The following CHST11 variants were observed in gnomAD, a reference collection of about 807,000 sequenced individuals.
The protein encoded by CHST11 is carbohydrate sulfotransferase 11.
Under a neutral mutation model 30.4 loss-of-function variants are expected in CHST11, and 9 were observed. That is an observed-to-expected ratio of 0.30 (90% confidence interval 0.18 to 0.52). The LOEUF is 0.52. CHST11 is among the 20% of genes least tolerant of loss of function. The pLI is 0.97. For synonymous variants in CHST11, 152 were observed against 187.8 expected, an observed-to-expected ratio of 0.81 and a Z score of 1.56; for missense variants, 348 against 460.6, an observed-to-expected ratio of 0.76 and a Z score of 2.24.
At chr12:104,608,040 A>C (rs1052183023) in intron 2 of CHST11, among the ~76,000 whole-genome samples, 6 of 151,994 alleles carry the variant, frequency 3.9e-5, no homozygotes, top group Admixed American at 6.5e-5. Flanking sequence ...TTGGGAAATG[A>C]CCAGTGCGCA....
chr12:104,671,801 A>G (rs144822635), intron 2 of CHST11, among the ~76,000 whole-genome samples: 11 of 151,950 alleles, frequency 7.2e-5, no homozygotes, highest in African/African-American at 2.4e-4. Flanking sequence ...CTCTTCTTGC[A>G]TAATGTGAGA....
intron 1 of CHST11, among the ~76,000 whole-genome samples, chr12:104,473,802 CT>C (rs1489901887): frequency 2.0e-5 from 3 of 152,098 alleles, no homozygotes; most frequent in Non-Finnish European, 2.9e-5. Flanking sequence ...TGTATTTTCT[CT>C]GCTAGACTGT....
intron 2 of CHST11, among the ~76,000 whole-genome samples, chr12:104,609,683 G>C (rs935155628): frequency 6.6e-6 from 1 of 152,170 alleles, no homozygotes; most frequent in Non-Finnish European, 1.5e-5. Context: ...ATCAGAGCTT[G>C]ATACCAGTCT....
chr12:104,722,155 A>AGTGT (rs57545833), intron 2 of CHST11, among the ~76,000 whole-genome samples: 1,850 of 137,564 alleles, frequency 0.013, 41 homozygotes, highest in African/African-American at 0.028. Flanking sequence ...CACTCAGCTA[A>AGTGT]GTGTGTGTGT....
chr12:104,547,719 T>C (rs1795869), intron 1 of CHST11, among the ~76,000 whole-genome samples: 145,245 of 152,278 alleles, frequency 0.95, 69,329 homozygotes, highest in East Asian at 1. Context: ...AACTGTGTGG[T>C]CCTGGGCAAA....
intron 1 of CHST11, among the ~76,000 whole-genome samples, chr12:104,591,079 G>A (rs2038853458): frequency 6.6e-6 from 1 of 152,088 alleles, no homozygotes; most frequent in South Asian, 2.1e-4. Flanking sequence ...TTGGGAGAGG[G>A]ACTCCAGGCT....
intron 1 of CHST11, among the ~76,000 whole-genome samples, chr12:104,499,601 G>A (rs1377607733): frequency 6.6e-6 from 1 of 152,188 alleles, no homozygotes; most frequent in African/African-American, 2.4e-5. Flanking sequence ...GGTGGGTCAT[G>A]AGTGGAAAGA....
At chr12:104,570,979 C>G (rs2038618679) in intron 1 of CHST11, among the ~76,000 whole-genome samples, 1 of 151,598 alleles carries the variant, frequency 6.6e-6, no homozygotes, top group Non-Finnish European at 1.5e-5. Context: ...GCGTGAGCCA[C>G]CTCACCCAGC....
In CHST11 at chr12:104,694,360, G is replaced by A. The variant is rs1566041286; in HGVS notation, c.205-62589G>A. On this transcript the variant is annotated intron_variant, in intron 2 of 2. Coordinates refer to ENST00000303694, the MANE Select transcript of CHST11 (RefSeq NM_018413.6). ...CTGCTTCTCAGGGCTGCTGTTAGCT[G>A]CCTTCTCATTCCTCTTACTCAGCAT... 2.0e-5 allele frequency among the ~76,000 whole-genome samples: 3 copies of A among 152,194 alleles called. No homozygotes were observed. The East Asian group carries it at 5.8e-4, about 29-fold the overall frequency.
chr12:104,500,733 A>G (rs2037845519), intron 1 of CHST11, among the ~76,000 whole-genome samples: 1 of 152,238 alleles, frequency 6.6e-6, no homozygotes, highest in Non-Finnish European at 1.5e-5. Context: ...TTGGATGCCA[A>G]AGTGGTCAGT....
rs114735815 is a variant in CHST11 at position 104,485,523 on chromosome 12, C to T, written c.118+27994C>T. ...TCGCTGTTTCTGGCCTTCTGCTCAC[C>T]GCAGAGGGTGAACTGGCCATCTGAC... On this transcript the variant is annotated intron_variant, in intron 1 of 2. Coordinates refer to ENST00000303694, the MANE Select transcript of CHST11 (RefSeq NM_018413.6). Among the ~76,000 whole-genome samples the T allele has an allele frequency of 6.1e-3, 936 of 152,248 alleles. 8 individuals are homozygous for T. Among genetic ancestry groups the T allele is most frequent in the Non-Finnish European group, 8.6e-3 (587 of 68,024 alleles).
chr12:104,731,041 A>G (rs965975683), intron 2 of CHST11, among the ~76,000 whole-genome samples: 1 of 152,096 alleles, frequency 6.6e-6, no homozygotes, highest in Non-Finnish European at 1.5e-5. Flanking sequence ...TCCGTGCTCC[A>G]CTTACGAGCT....
chr12:104,563,252 G>C (rs766694064), intron 1 of CHST11, among the ~76,000 whole-genome samples: 5 of 152,140 alleles, frequency 3.3e-5, no homozygotes, highest in Non-Finnish European at 5.9e-5. Flanking sequence ...TGGCCAGGCT[G>C]GTCTCGAACT....
chr12:104,647,216 C>T (rs2559639), intron 2 of CHST11, among the ~76,000 whole-genome samples: 79,768 of 152,026 alleles, frequency 0.52, 21,161 homozygotes, highest in South Asian at 0.62. Context: ...AGGATGCCAT[C>T]GGGTGGCTGC....
At chr12:104,469,778 A>T (rs2037490306) in intron 1 of CHST11, among the ~76,000 whole-genome samples, 1 of 152,186 alleles carries the variant, frequency 6.6e-6, no homozygotes, top group Non-Finnish European at 1.5e-5. Context: ...CAAAGACTCC[A>T]TAACCCTGAT....
At chr12:104,590,903 G>C (rs924527365) in intron 1 of CHST11, among the ~76,000 whole-genome samples, 1 of 151,772 alleles carries the variant, frequency 6.6e-6, no homozygotes, top group African/African-American at 2.4e-5. Flanking sequence ...GCCTGGGTGA[G>C]AGAACGAGAC....
At chr12:104,477,938 A>C (rs1395069501) in intron 1 of CHST11, among the ~76,000 whole-genome samples, 1 of 152,170 alleles carries the variant, frequency 6.6e-6, no homozygotes, top group East Asian at 1.9e-4. Context: ...GAGGAAGTTC[A>C]TTTAGTGAGA....
intron 1 of CHST11, among the ~76,000 whole-genome samples, chr12:104,557,651 T>A (rs909831237): frequency 6.6e-6 from 1 of 151,636 alleles, no homozygotes; most frequent in South Asian, 2.1e-4. Flanking sequence ...GAGGGAACAT[T>A]TGTTGAGTGA....
At chr12:104,620,002 A>G (rs76769396) in intron 2 of CHST11, among the ~76,000 whole-genome samples, 5,003 of 152,292 alleles carry the variant, frequency 0.033, 224 homozygotes, top group South Asian at 0.12. Context: ...TTGTCATTCT[A>G]TAATTGTCAT....
Sources: gnomAD v4.1 joint callset for allele counts (sites outside exome capture counted in the v4.1 genomes callset) on GRCh38, gnomAD v4.1.1 for gene constraint, MANE v1.5 for transcripts, NCBI Gene and HGNC (gene_info 2026-07-23, HGNC 2026-07-21) for gene names.